Variants in ANKRD44 observed in about 807,000 individuals in gnomAD.
The protein encoded by ANKRD44 is serine/threonine-protein phosphatase 6 regulatory ankyrin repeat subunit B.
Under a neutral mutation model 116.0 loss-of-function variants are expected in ANKRD44, and 35 were observed. The ratio of observed to expected loss-of-function variants is 0.30; its 90% CI spans 0.23 to 0.40. The LOEUF is 0.40. ANKRD44 is among the 10% of genes least tolerant of loss of function. The probability of loss-of-function intolerance (pLI) is 1.00; values close to 1 mark genes in which losing one functional copy is unlikely to be tolerated. For missense variants in ANKRD44, 1,014 were observed against 1,242.6 expected (o/e 0.82, Z 2.77); for synonymous variants, 435 against 461.8 (o/e 0.94, Z 0.74).
chr2:197,283,052 G>T (rs1896854), intron 1 of ANKRD44, among the ~76,000 whole-genome samples: 68,633 of 152,012 alleles, frequency 0.45, 16,230 homozygotes, highest in African/African-American at 0.59. Flanking sequence ...TTTAAGAGAA[G>T]AGAACATCAT....
intron 1 of ANKRD44, among the ~76,000 whole-genome samples, chr2:197,274,675 C>T (rs575189781): frequency 3.8e-4 from 58 of 152,320 alleles, no homozygotes; most frequent in Non-Finnish European, 6.5e-4. Flanking sequence ...ATCTCACACC[C>T]CAGATTCCAT....
rs1488880635 is a variant in ANKRD44 at position 197,203,187 on chromosome 2, A to G, written c.28-16081T>C. On this transcript the variant is annotated intron_variant, in intron 1 of 27. Transcript: ENST00000282272. The surrounding 1 kb of genome is among the most constrained non-coding windows in gnomAD (Gnocchi z 4.1). Reference sequence around the variant, plus strand: ...TGAGATATACAGACAATTTTTGTATAAAGATGTTCATAACAACACTATTTA... The same window carrying G: ...TGAGATATACAGACAATTTTTGTATGAAGATGTTCATAACAACACTATTTA... Among the ~76,000 whole-genome samples the G allele has an allele frequency of 6.6e-6, 1 of 152,234 alleles. No individual in the cohort carries two copies. Among genetic ancestry groups the G allele is most frequent in the Non-Finnish European group, 1.5e-5 (1 of 68,044 alleles).
intron 21 of ANKRD44, among the ~76,000 whole-genome samples, chr2:196,971,419 C>T (rs975795566): frequency 2.0e-5 from 3 of 151,984 alleles, no homozygotes; most frequent in Admixed American, 6.6e-5. Context: ...TGCAGTGGTG[C>T]GATCTCGGCT....
rs369988152 is a variant in ANKRD44, at chr2:197,092,422, T to G, written c.1101-2390A>C. ...TCAAAAGTTATTATGATGATGTGTG[T>G]GTGACTGTGAAAAAGGATATACACA... On this transcript the variant is annotated intron_variant, in intron 10 of 27. Transcript: ENST00000282272. 8.5e-5 allele frequency among the ~76,000 whole-genome samples: 13 copies of G among 152,374 alleles called. No individual in the cohort carries two copies. In the South Asian group the frequency reaches 2.7e-3, roughly 32 times the overall value.
chr2:196,996,102 G>A (rs1158476022), intron 25 of ANKRD44, among the ~76,000 whole-genome samples: 1 of 152,160 alleles, frequency 6.6e-6, no homozygotes, highest in Non-Finnish European at 1.5e-5. Context: ...AAGGGGTTAT[G>A]GCTTCCTAAG....
chr2:197,167,927 T>C (rs2080135575), intron 2 of ANKRD44, among the ~76,000 whole-genome samples: 1 of 152,230 alleles, frequency 6.6e-6, no homozygotes, highest in Non-Finnish European at 1.5e-5. Flanking sequence ...TAGCATTCTA[T>C]TGGGCAGAAC....
chr2:197,230,798 G>A (rs2081841305), intron 1 of ANKRD44, among the ~76,000 whole-genome samples: 1 of 152,082 alleles, frequency 6.6e-6, no homozygotes, highest in African/African-American at 2.4e-5. Context: ...TCTTCCAGTG[G>A]CTCTACCATC....
intron 7 of ANKRD44, among the ~76,000 whole-genome samples, chr2:197,122,338 G>A (rs910380800): frequency 6.6e-6 from 1 of 152,102 alleles, no homozygotes; most frequent in African/African-American, 2.4e-5. Context: ...GACTTAGAAG[G>A]CTACATTTGG....
chr2:197,206,719 A>G (rs76393476), intron 1 of ANKRD44, among the ~76,000 whole-genome samples: 8,485 of 152,214 alleles, frequency 0.056, 768 homozygotes, highest in African/African-American at 0.19. Context: ...CTCCGTCTCA[A>G]AACAAACAAA....
At chr2:197,108,120 G>A (rs936516008) in intron 9 of ANKRD44, among the ~76,000 whole-genome samples, 4 of 152,106 alleles carry the variant, frequency 2.6e-5, no homozygotes, top group African/African-American at 9.7e-5. Flanking sequence ...GTTTATAAGC[G>A]TGGTGGTTGA....
At chr2:196,982,108 T>TTTTATATATATATATATA (rs150861089), downstream of ANKRD44, among the ~76,000 whole-genome samples, 13,368 of 96,032 alleles carry the variant, frequency 0.14, 1,805 homozygotes, top group East Asian at 0.17. Context: ...CTAAAAAAAA[T>TTTTATATATATATATATA]TATATATATA....
At chr2:197,254,622 C>T (rs950317193) in intron 1 of ANKRD44, among the ~76,000 whole-genome samples, 2 of 140,994 alleles carry the variant, frequency 1.4e-5, no homozygotes, top group African/African-American at 5.3e-5. Context: ...CACACACACA[C>T]ACACACACAT....
chr2:197,008,434 T>A (rs1451197873), intron 19 of ANKRD44, among the ~76,000 whole-genome samples: 1 of 152,226 alleles, frequency 6.6e-6, no homozygotes, highest in Non-Finnish European at 1.5e-5. Flanking sequence ...CTGATTCACA[T>A]GCCTGGGGCT....
At chr2:197,075,318 C>CT (rs1304762540) in intron 16 of ANKRD44, among the ~76,000 whole-genome samples, 11 of 152,084 alleles carry the variant, frequency 7.2e-5, no homozygotes, top group Admixed American at 1.3e-4. Flanking sequence ...CTTGATTTTT[C>CT]TTTTCAGAGC....
intron 1 of ANKRD44, among the ~76,000 whole-genome samples, chr2:197,300,207 T>C (rs921156587): frequency 6.6e-6 from 1 of 152,182 alleles, no homozygotes; most frequent in African/African-American, 2.4e-5. Context: ...CTGAGAAAAA[T>C]GTGTTAATAT....
chr2:197,202,219 T>C (rs549053143), intron 1 of ANKRD44, among the ~76,000 whole-genome samples: 2 of 152,286 alleles, frequency 1.3e-5, no homozygotes, highest in South Asian at 2.1e-4. Flanking sequence ...ACAAGGCCAT[T>C]GAAGGGAGTG....
intron 1 of ANKRD44, among the ~76,000 whole-genome samples, chr2:197,195,799 A>T (rs571737296): frequency 6.6e-6 from 1 of 152,376 alleles, no homozygotes; most frequent in Admixed American, 6.5e-5. Flanking sequence ...ACATCCATAA[A>T]GAGAAAGGCA....
chr2:197,022,066 G>C (rs2076507699), intron 17 of ANKRD44, among the ~76,000 whole-genome samples: 1 of 152,176 alleles, frequency 6.6e-6, no homozygotes, highest in South Asian at 2.1e-4. Context: ...ACTCAAGGCA[G>C]GTCAGGTTTC....
At chr2:196,979,554 C>CCTTTTTTTTTTTTTTTTTT (rs2075785197) in intron 21 of ANKRD44, among the ~76,000 whole-genome samples, 2 of 59,634 alleles carry the variant, frequency 3.4e-5, no homozygotes, top group African/African-American at 1.3e-4. Flanking sequence ...AATAAGATGA[C>CCTTTTTTTTTTTTTTTTTT]TTTTTTTTTT....
Sources: allele counts gnomAD v4.1 joint callset (sites outside exome capture counted in the v4.1 genomes callset), GRCh38; gene constraint gnomAD v4.1.1; non-coding constraint Gnocchi (gnomAD v3.1); transcripts MANE v1.5; gene names NCBI Gene and HGNC (gene_info 2026-07-23, HGNC 2026-07-21).